SCGB2B2: variants seen among roughly 807,000 people sequenced by gnomAD.
SCGB2B2 encodes secretoglobin-like protein.
Under a neutral mutation model 7.6 loss-of-function variants are expected in SCGB2B2, and 11 were observed. The observed-to-expected ratio is 1.45, with a 90% CI of 0.91 to 2.40. The LOEUF is 2.40. SCGB2B2 is among the 30% of genes most tolerant of loss of function. SCGB2B2 has a pLI of 0.00. For synonymous variants in SCGB2B2, 50 were observed against 48.6 expected, an observed-to-expected ratio of 1.03 and a Z score of -0.12; for missense variants, 104 against 115.4, an observed-to-expected ratio of 0.90 and a Z score of 0.45.
chr19:34,660,060 C>T (rs1245940532), intron 1 of SCGB2B2, among the ~76,000 whole-genome samples: 1 of 152,144 alleles, frequency 6.6e-6, no homozygotes, highest in Non-Finnish European at 1.5e-5. Context: ...ATAAATGGTG[C>T]TGGGAAAACT....
intron 1 of SCGB2B2, among the ~76,000 whole-genome samples, chr19:34,619,165 T>C (rs1298553846): frequency 6.6e-6 from 1 of 152,194 alleles, no homozygotes; most frequent in African/African-American, 2.4e-5. Context: ...GGACAATTAA[T>C]TACAGCTCTT....
intron 1 of SCGB2B2, among the ~76,000 whole-genome samples, chr19:34,623,430 A>G (rs1229538707): frequency 6.6e-6 from 1 of 152,196 alleles, no homozygotes; most frequent in Admixed American, 6.5e-5. Flanking sequence ...GTACAGAGAA[A>G]GGTAGAAAGG....
chr19:34,588,751 C>T (rs1025562929), downstream of SCGB2B2, among the ~76,000 whole-genome samples: 2 of 152,164 alleles, frequency 1.3e-5, no homozygotes, highest in Admixed American at 1.3e-4. Context: ...AGGAGACACA[C>T]AGGGCATTGG....
intron 1 of SCGB2B2, among the ~76,000 whole-genome samples, chr19:34,667,093 A>G (rs550829953): frequency 6.6e-6 from 1 of 151,972 alleles, no homozygotes; most frequent in East Asian, 1.9e-4. Flanking sequence ...GCCTCCTCAC[A>G]GCCCTTGACC....
chr19:34,662,611 TACAAAG>T (rs2067491419), intron 1 of SCGB2B2, among the ~76,000 whole-genome samples: 1 of 151,478 alleles, frequency 6.6e-6, no homozygotes, highest in African/African-American at 2.4e-5. Context: ...ATAAGGAAAA[TACAAAG>T]CTGATCCACA....
intron 1 of SCGB2B2, among the ~76,000 whole-genome samples, chr19:34,597,625 G>T (rs768408696): frequency 4.6e-5 from 7 of 152,208 alleles, no homozygotes; most frequent in South Asian, 2.1e-4. Context: ...CAAGGGCTCT[G>T]GGCAGCAGAT....
rs2065447122 is a variant in SCGB2B2 at position 34,596,210 on chromosome 19, AGTTGACAGT to A, written c.-1656_-1648del. Reference sequence around the variant, plus strand: ...TTCCAGTTGTAAAGTTGAGTGGATGAGTTGACAGTTGGACTGGCAGACGCTGAAGCAGGG... The same window carrying A: ...TTCCAGTTGTAAAGTTGAGTGGATGATGGACTGGCAGACGCTGAAGCAGGG... On this transcript the variant is annotated 5_prime_UTR_variant, in exon 2 of 4. Transcript: ENST00000601241. 2 of 152,298 alleles carry A rather than the reference AGTTGACAGT, an allele frequency of 1.3e-5. No homozygotes were observed. Among genetic ancestry groups the A allele is most frequent in the East Asian group, 3.9e-4 (2 of 5,178 alleles). The allele number at this position is 152,298 out of a possible 1,614,324, so 9.4% of individuals were successfully genotyped here. A position where few individuals can be genotyped will look rare whatever the true frequency, so the allele number is the denominator to read the frequency against.
intron 1 of SCGB2B2, among the ~76,000 whole-genome samples, chr19:34,664,618 G>A (rs2146163447): frequency 6.6e-6 from 1 of 152,314 alleles, no homozygotes; most frequent in South Asian, 2.1e-4. Context: ...TGCTGTGCCA[G>A]GTTGTGTTGT....
intron 1 of SCGB2B2, among the ~76,000 whole-genome samples, chr19:34,606,700 TA>T (rs2065789494): frequency 6.6e-6 from 1 of 152,130 alleles, no homozygotes; most frequent in Non-Finnish European, 1.5e-5. Context: ...TGACCAGATT[TA>T]TATAACTTTT....
chr19:34,586,897 TTTGTTGTTG>T (rs370786119), downstream of SCGB2B2, among the ~76,000 whole-genome samples: 2 of 151,958 alleles, frequency 1.3e-5, no homozygotes, highest in Non-Finnish European at 1.5e-5. Context: ...AATATGTAGC[TTTGTTGTTG>T]TTGTTGTTGT....
rs558375870 is a variant in SCGB2B2, at chr19:34,593,341, G to T, written c.*214C>A. The T allele has an allele frequency of 5.0e-5, 27 of 537,222 alleles. No homozygotes were observed. Among genetic ancestry groups the T allele is most frequent in the African/African-American group, 3.8e-4 (20 of 52,828 alleles). 33.3% of individuals were successfully genotyped at this position (537,222 alleles called of 1,614,324 possible). ...AAACAGGCATGTCTATGCTACACCT[G>T]TAGAGTTTTTCCTCAGTCGCATATT... On this transcript the variant is annotated 3_prime_UTR_variant, in exon 4 of 4. Coordinates refer to ENST00000601241, the MANE Select transcript of SCGB2B2 (RefSeq NM_001025591.4).
At chr19:34,659,295 T>C (rs1421682221) in intron 1 of SCGB2B2, among the ~76,000 whole-genome samples, 3 of 152,102 alleles carry the variant, frequency 2.0e-5, no homozygotes, top group Non-Finnish European at 4.4e-5. Context: ...GCCAGGGCAA[T>C]AAGGCAAGAG....
chr19:34,664,598 C>T (rs1205860118), intron 1 of SCGB2B2, among the ~76,000 whole-genome samples: 2 of 152,206 alleles, frequency 1.3e-5, no homozygotes, highest in Non-Finnish European at 2.9e-5. Flanking sequence ...CAGTGCACTG[C>T]ATGGTGCTCT....
chr19:34,620,710 A>C (rs1376884260), intron 1 of SCGB2B2, among the ~76,000 whole-genome samples: 4 of 152,220 alleles, frequency 2.6e-5, no homozygotes, highest in Non-Finnish European at 5.9e-5. Context: ...AAAGCATTTA[A>C]ATTATAATTC....
At chr19:34,642,326 C>G (rs117952424) in intron 1 of SCGB2B2, among the ~76,000 whole-genome samples, 3,719 of 152,228 alleles carry the variant, frequency 0.024, 57 homozygotes, top group Middle Eastern at 0.099. Flanking sequence ...ACATAGGGAG[C>G]TGCTGAAAGA....
chr19:34,603,651 T>G (rs1236675094), intron 1 of SCGB2B2, among the ~76,000 whole-genome samples: 2 of 151,552 alleles, frequency 1.3e-5, no homozygotes, highest in African/African-American at 4.9e-5. Flanking sequence ...GGCCTGCTGT[T>G]CACAGTTTGC....
chr19:34,606,898 T>C (rs2065796462), intron 1 of SCGB2B2, among the ~76,000 whole-genome samples: 1 of 152,140 alleles, frequency 6.6e-6, no homozygotes, highest in Non-Finnish European at 1.5e-5. Context: ...TTGTGGAATG[T>C]ATCCCCTGCA....
chr19:34,657,098 ATAAT>A (rs1307052107), intron 1 of SCGB2B2, among the ~76,000 whole-genome samples: 1 of 151,432 alleles, frequency 6.6e-6, no homozygotes, highest in Non-Finnish European at 1.5e-5. Context: ...ACAATATAGA[ATAAT>A]TATACTTTTC....
At chr19:34,626,702 GA>G (rs1222005532) in intron 1 of SCGB2B2, among the ~76,000 whole-genome samples, 1 of 152,176 alleles carries the variant, frequency 6.6e-6, no homozygotes, top group Non-Finnish European at 1.5e-5. Flanking sequence ...TTATCCAGGA[GA>G]ACTTCCCCAA....
Sources: allele counts gnomAD v4.1 joint callset (sites outside exome capture counted in the v4.1 genomes callset), GRCh38; gene constraint gnomAD v4.1.1; transcripts MANE v1.5; gene names NCBI Gene and HGNC (gene_info 2026-07-23, HGNC 2026-07-21).